ACAP3: variants seen among roughly 807,000 people sequenced by gnomAD.
ACAP3 encodes the protein ArfGAP with coiled-coil, ankyrin repeat and PH domains 3, also known as arf-GAP with coiled-coil, ANK repeat and PH domain-containing protein 3.
In ACAP3, 56 loss-of-function variants were observed where a neutral mutation model predicts 104.1. The ratio of observed to expected loss-of-function variants is 0.54; its 90% confidence interval spans 0.43 to 0.67. ACAP3 has a LOEUF of 0.67. ACAP3 is among the 30% of genes least tolerant of loss of function. ACAP3 has a pLI of 0.00. For missense variants in ACAP3, 1,208 were observed against 1,174.9 expected (o/e 1.03, Z -0.41); for synonymous variants, 628 against 496.2 (o/e 1.27, Z -3.53).
chr1:1,302,081 T>C (rs1026835361), intron 4 of ACAP3, 35 bp from the exon 5 acceptor site: 17 of 1,462,490 alleles, frequency 1.2e-5, no homozygotes, highest in Admixed American at 2.3e-5. Flanking sequence ...CCTTGGGGTC[T>C]GTCCCGAAAG....
At position 1,302,981 on chromosome 1, in the gene ACAP3, G is replaced by A. The variant is rs778677432; in HGVS notation, c.226-6C>T. ...GCGAACCTCTGCAGACATTCCTGGA[G>A]GAGCAGATGGGAACCCGTGCTGAGA... On this transcript the variant is annotated splice_region_variant and splice_polypyrimidine_tract_variant and intron_variant, in intron 3 of 23. Transcript: ENST00000354700. The A allele has an allele frequency of 3.1e-6, 5 of 1,609,390 alleles. No homozygotes were observed. The highest frequency in any genetic ancestry group is 1.7e-4 in the Middle Eastern group (1 of 6,048).
chr1:1,304,581 A>C (rs1252667230), intron 1 of ACAP3: 2 of 202,532 alleles, frequency 9.9e-6, no homozygotes, highest in East Asian at 1.4e-4. Flanking sequence ...GCACCCATGC[A>C]CTGTGGGACA....
intron 1 of ACAP3, chr1:1,307,213 A>G (rs985344777): frequency 7.8e-7 from 1 of 1,286,928 alleles, no homozygotes; most frequent in Non-Finnish European, 1.0e-6. Flanking sequence ...ATGATGGAAA[A>G]CATGCAGACT....
Position 1,296,086 on chromosome 1 carries a change from G to A in ACAP3, c.1431C>T (p.Ser477=), listed in dbSNP as rs778412580. 42 of 1,612,660 alleles carry A rather than the reference G, an allele frequency of 2.6e-5. No individual in the cohort carries two copies. The highest frequency in any genetic ancestry group is 3.4e-5 in the Non-Finnish European group (40 of 1,179,984). ...LLKLMCELGN[S]AVNQIYEAQC... is the part of the protein sequence containing the mutation. ...GGGCCTCATAGATCTGATTCACAGC[G>A]CTGTTTCCAAGCTCACACATCAGCT... The change falls in exon 17 of 24, where the codon AGC becomes AGT. Residue 477 remains serine, a synonymous_variant. Coordinates refer to ENST00000354700, the MANE Select transcript of ACAP3 (RefSeq NM_030649.3).
At chr1:1,299,069 T>G (rs1207602611) in intron 10 of ACAP3, 4 of 571,898 alleles carry the variant, frequency 7.0e-6, no homozygotes, top group African/African-American at 5.8e-5. Context: ...GAGGGCCCTG[T>G]GTGTCCCGCC....
rs894492861 is a variant in ACAP3 at position 1,292,830 on chromosome 1, A to T, written c.*734T>A. 6.6e-6 allele frequency: 1 copy of T among 152,318 alleles called. No individual in the cohort carries two copies. The highest frequency in any genetic ancestry group is 2.4e-5 in the African/African-American group (1 of 41,472). The allele number at this position is 152,318 out of a possible 1,614,324, so 9.4% of individuals were successfully genotyped here. A position where few individuals can be genotyped will look rare whatever the true frequency, so the allele number is the denominator to read the frequency against. On this transcript the variant is annotated 3_prime_UTR_variant, in exon 24 of 24. Transcript: ENST00000354700. ...GACAAAGTCAGACGAGGCCTATAGC[A>T]AACCCACTCGGTCCGCTACAAAGAA...
chr1:1,295,096 C>G, intron 19 of ACAP3: 1 of 556,912 alleles, frequency 1.8e-6, no homozygotes, highest in Non-Finnish European at 3.2e-6. Flanking sequence ...CGCAGTGGGC[C>G]CCCCAGCCCC....
Position 1,294,567 on chromosome 1 carries a change from C to G in ACAP3, c.1974G>C (p.Trp658Cys). The change falls in exon 21 of 24, where the codon TGG becomes TGC. Residue 658 changes from tryptophan to cysteine, a missense_variant. Transcript: ENST00000354700. ...GCAGCTCGCGCACGTCCGCCAGGCC[C>G]CAGGCCTCGGCCTCAGTGTCCCCGT... Reference protein sequence around the residue: ...EADGDTEAEAWGLADVRELHP... With the variant: ...EADGDTEAEACGLADVRELHP... 6.6e-7 allele frequency: 1 copy of G among 1,508,072 alleles called. No homozygotes were observed. The highest frequency in any genetic ancestry group is 1.3e-5 in the South Asian group (1 of 79,216). The allele number at this position is 1,508,072 out of a possible 1,614,324, so 93.4% of individuals were successfully genotyped here. A position where few individuals can be genotyped will look rare whatever the true frequency, so the allele number is the denominator to read the frequency against.
intron 10 of ACAP3, chr1:1,298,894 G>A (rs1641318277): frequency 8.7e-6 from 5 of 577,150 alleles, no homozygotes; most frequent in East Asian, 3.0e-5. Flanking sequence ...GACCCCTCAC[G>A]TTCACAGCTG....
intron 10 of ACAP3, 137 bp downstream of exon 10, chr1:1,299,208 G>T: frequency 8.5e-7 from 1 of 1,177,984 alleles, no homozygotes; most frequent in Non-Finnish European, 1.2e-6. Flanking sequence ...GCCCCTCACA[G>T]CCGCATCAGC....
At chr1:1,298,140 G>A (rs1016004601) in intron 12 of ACAP3, 27 bp from the exon 13 acceptor site, 5 of 1,587,098 alleles carry the variant, frequency 3.2e-6, no homozygotes, top group Non-Finnish European at 4.3e-6. Context: ...TGTGGCCCCT[G>A]CCCTCAGCCA....
intron 21 of ACAP3, 48 bp downstream of exon 21, chr1:1,294,354 C>T (rs1354832385): frequency 9.1e-6 from 14 of 1,534,570 alleles, no homozygotes; most frequent in Non-Finnish European, 1.1e-5. Context: ...AAGATGCAAA[C>T]GCGACTGTGC....
chr1:1,300,286 G>A, intron 6 of ACAP3, 84 bp from the exon 7 acceptor site: 2 of 1,475,350 alleles, frequency 1.4e-6, no homozygotes, highest in Non-Finnish European at 1.8e-6. Flanking sequence ...CACCTGAGCT[G>A]CTTGTGGTTC....
intron 22 of ACAP3, 64 bp from the exon 23 acceptor site, chr1:1,293,997 G>A: frequency 6.8e-7 from 1 of 1,469,658 alleles, no homozygotes; most frequent in Admixed American, 2.4e-5. Context: ...TGGTCGCGGG[G>A]GCGTGGCCGG....
chr1:1,303,068 C>T lies in ACAP3; in HGVS notation c.226-93G>A, dbSNP rs1446094884. On this transcript the variant is annotated intron_variant, in intron 3 of 23. Transcript: ENST00000354700. This position sits in a 1 kb window ranked among gnomAD's most constrained non-coding sequence, Gnocchi z 4.0. ...CTGAGCCCCTGGGCGGTGCAGACAC[C>T]GGCCTGCTTCTGGCCTGGACGCCCT... 4.5e-6 allele frequency: 7 copies of T among 1,550,984 alleles called. No homozygotes were observed. Among genetic ancestry groups the T allele is most frequent in the East Asian group, 4.8e-5 (2 of 41,648 alleles).
Position 1,300,132 on chromosome 1 carries a change from C to T in ACAP3, c.567+26G>A, listed in dbSNP as rs778508754. On this transcript the variant is annotated intron_variant, in intron 7 of 23. Transcript: ENST00000354700. The stretch of plus-strand genomic sequence containing the variant: ...TCCAGCCCCCAACATGCAGCCTGTG[C>T]TCAGGGGCAGCCCCCACGCACTCAC... 7 of 1,608,950 alleles carry T rather than the reference C, an allele frequency of 4.4e-6. 1 individual carries two copies. In the East Asian group the frequency reaches 6.7e-5, roughly 15 times the overall value.
At chr1:1,295,137 C>CA in intron 19 of ACAP3, 1 of 558,312 alleles carries the variant, frequency 1.8e-6, no homozygotes, top group South Asian at 2.2e-5. Flanking sequence ...GAAATGTCTC[C>CA]ACCCAACCAA....
chr1:1,299,642 G>A (rs1225732497), intron 9 of ACAP3, 189 bp downstream of exon 9: 2 of 755,728 alleles, frequency 2.6e-6, no homozygotes, highest in East Asian at 2.8e-5. Context: ...CCCAGCAGCG[G>A]CCCCACCCAC....
chr1:1,293,846 C>T lies in ACAP3; in HGVS notation c.2337G>A (p.Ala779=), dbSNP rs139954848. The T allele has an allele frequency of 1.3e-6, 2 of 1,525,496 alleles. No homozygotes were observed. The highest frequency in any genetic ancestry group is 5.4e-5 in the East Asian group (2 of 37,276). The allele number at this position is 1,525,496 out of a possible 1,614,324, so 94.5% of individuals were successfully genotyped here. A position where few individuals can be genotyped will look rare whatever the true frequency, so the allele number is the denominator to read the frequency against. The change falls in exon 23 of 24, where the codon GCG becomes GCA. Residue 779 remains alanine, a synonymous_variant. Coordinates refer to ENST00000354700, the MANE Select transcript of ACAP3 (RefSeq NM_030649.3). ...ACAGTGTCACGATGTCAGCGTTGGC[C>T]GCCTGCACTGCGATGGCCAACGGGT... ...QRDPLAIAVQ[A]ANADIVTLLR...
Sources: gnomAD v4.1 joint callset for allele counts on GRCh38, gnomAD v4.1.1 for gene constraint, Gnocchi (gnomAD v3.1) non-coding constraint, MANE v1.5 for transcripts, NCBI Gene and HGNC (gene_info 2026-07-23, HGNC 2026-07-21) for gene names.